CNGA1: variants seen among roughly 807,000 people sequenced by gnomAD.
CNGA1 encodes cyclic nucleotide-gated channel alpha-1.
Under a neutral mutation model 69.7 loss-of-function variants are expected in CNGA1, and 53 were observed. The ratio of observed to expected loss-of-function variants is 0.76; its 90% CI spans 0.61 to 0.96. The LOEUF (loss-of-function observed/expected upper bound fraction) is 0.96, where lower values mean the gene tolerates loss of function less well. CNGA1 is among the 40% of genes least tolerant of loss of function. The pLI is 0.00. For missense variants in CNGA1, 739 were observed against 811.2 expected, an observed-to-expected ratio of 0.91 and a Z score of 1.08; for synonymous variants, 249 against 283.5, an observed-to-expected ratio of 0.88 and a Z score of 1.22.
intron 2 of CNGA1, among the ~76,000 whole-genome samples, chr4:47,983,421 T>C (rs897090296): frequency 6.6e-6 from 1 of 151,796 alleles, no homozygotes; most frequent in Non-Finnish European, 1.5e-5. Flanking sequence ...AAACCCTGTC[T>C]CTACTAAAAA....
intron 3 of CNGA1, among the ~76,000 whole-genome samples, chr4:47,964,427 T>C (rs1262309665): frequency 6.6e-6 from 1 of 151,990 alleles, no homozygotes; most frequent in Non-Finnish European, 1.5e-5. Flanking sequence ...TACTTGGAAT[T>C]TTTTTTTATT....
intron 2 of CNGA1, among the ~76,000 whole-genome samples, chr4:47,998,912 T>C (rs1041852451): frequency 2.0e-5 from 3 of 152,238 alleles, no homozygotes; most frequent in African/African-American, 7.2e-5. Flanking sequence ...CTTTATTTAC[T>C]TGTGGTTGAG....
chr4:47,966,639 G>A (rs1199798408), intron 3 of CNGA1, among the ~76,000 whole-genome samples: 4 of 152,126 alleles, frequency 2.6e-5, no homozygotes, highest in Non-Finnish European at 5.9e-5. Context: ...GCCACAAGTG[G>A]GAGACAGAAA....
chr4:47,968,717 C>T lies in CNGA1; in HGVS notation c.-15+12676G>A, dbSNP rs79396330. On this transcript the variant is annotated intron_variant, in intron 3 of 10. Coordinates refer to ENST00000514170, the MANE Select transcript of CNGA1 (RefSeq NM_001379270.1). Reference sequence around the variant, plus strand: ...GAAGAGAAATCATCATGGGAGACACCTCCTGAAACAATAAATTCAAGAGCA... The same window carrying T: ...GAAGAGAAATCATCATGGGAGACACTTCCTGAAACAATAAATTCAAGAGCA... 9.0e-3 allele frequency among the ~76,000 whole-genome samples: 1,372 copies of T among 152,190 alleles called. 17 individuals are homozygous for T. Among genetic ancestry groups the T allele is most frequent in the African/African-American group, 0.03 (1,258 of 41,518 alleles).
At chr4:47,988,342 A>G (rs1408676937) in intron 2 of CNGA1, among the ~76,000 whole-genome samples, 2 of 152,172 alleles carry the variant, frequency 1.3e-5, no homozygotes, top group South Asian at 2.1e-4. Context: ...ACAGGAAAAT[A>G]AAGAAAAAGG....
intron 3 of CNGA1, among the ~76,000 whole-genome samples, chr4:47,964,233 A>G (rs1210318122): frequency 6.6e-6 from 1 of 152,176 alleles, no homozygotes; most frequent in Non-Finnish European, 1.5e-5. Flanking sequence ...ATGACTAGGG[A>G]AGGGAGAATA....
chr4:47,951,517 A>G (rs1739740268), intron 4 of CNGA1, 48 bp from the exon 5 acceptor site: 2 of 1,259,316 alleles, frequency 1.6e-6, no homozygotes, highest in Non-Finnish European at 2.3e-6. Context: ...GTTTTCAACC[A>G]CTGCAGAGAG....
intron 3 of CNGA1, chr4:47,971,198 G>A: frequency 2.7e-6 from 1 of 373,320 alleles, no homozygotes; most frequent in Non-Finnish European, 5.3e-6. Flanking sequence ...GTGTGTGTGT[G>A]CTGTGCGTAA....
At chr4:47,951,490 G>A (rs894583877) in intron 4 of CNGA1, 21 bp from the exon 5 acceptor site, 2 of 1,491,300 alleles carry the variant, frequency 1.3e-6, no homozygotes, top group Non-Finnish European at 1.9e-6. Context: ...ATAGGAGGCA[G>A]AGAGAGAAGA....
At chr4:47,938,318 T>G (rs1184061772) in intron 10 of CNGA1, among the ~76,000 whole-genome samples, 1 of 150,346 alleles carries the variant, frequency 6.7e-6, no homozygotes, top group African/African-American at 2.4e-5. Context: ...TTGTGAGATA[T>G]ATATATATAT....
chr4:47,989,616 A>G (rs1742147949), intron 2 of CNGA1, among the ~76,000 whole-genome samples: 2 of 152,322 alleles, frequency 1.3e-5, no homozygotes, highest in South Asian at 4.1e-4. Flanking sequence ...AAAGTTAAAT[A>G]ATCAAAATTT....
At chr4:48,005,313 T>C (rs2109350626) in intron 2 of CNGA1, among the ~76,000 whole-genome samples, 1 of 152,134 alleles carries the variant, frequency 6.6e-6, no homozygotes, top group East Asian at 1.9e-4. Context: ...AGATGGGGTT[T>C]CTCCATCTTG....
intron 2 of CNGA1, among the ~76,000 whole-genome samples, chr4:47,999,043 C>T (rs951429842): frequency 2.6e-5 from 4 of 152,284 alleles, no homozygotes; most frequent in Admixed American, 6.5e-5. Context: ...TCACCTCCTT[C>T]GTCTCATCAC....
In CNGA1 at chr4:47,937,810, C is replaced by A. The variant is rs149504668; in HGVS notation, c.672G>T (p.Leu224=). The change falls in exon 11 of 11, where the codon CTG becomes CTT. Residue 224 remains leucine (L), a synonymous_variant. Coordinates refer to ENST00000514170, the MANE Select transcript of CNGA1 (RefSeq NM_001379270.1). ...TGAGTTTAAGTTCTTCCTTTACCAGCAGTCCTTGTTCTAGGTAACCTAAAA... is the reference window on the plus strand; with the variant it reads ...TGAGTTTAAGTTCTTCCTTTACCAGAAGTCCTTGTTCTAGGTAACCTAAAA... ...RTRTGYLEQG[L]LVKEELKLIN... 5 of 1,611,708 alleles carry A rather than the reference C, an allele frequency of 3.1e-6. No homozygotes were observed. Among genetic ancestry groups the A allele is most frequent in the Non-Finnish European group, 4.2e-6 (5 of 1,178,120 alleles).
In CNGA1 at chr4:47,962,883, T is replaced by C. The variant is rs921726816; in HGVS notation, c.-14-10180A>G. On this transcript the variant is annotated intron_variant, in intron 3 of 10. Coordinates refer to ENST00000514170, the MANE Select transcript of CNGA1 (RefSeq NM_001379270.1). ...AAAAATAAACCAAAGACTACGTATATTATCTGTTTAAGCAAACAACACTAA... is the reference window on the plus strand; with the variant it reads ...AAAAATAAACCAAAGACTACGTATACTATCTGTTTAAGCAAACAACACTAA... Among the ~76,000 whole-genome samples, 3 of 152,176 alleles carry C rather than the reference T, an allele frequency of 2.0e-5. No homozygotes were observed. In the South Asian group the frequency reaches 6.2e-4, roughly 31 times the overall value.
At chr4:47,984,677 C>T (rs952243074) in intron 2 of CNGA1, among the ~76,000 whole-genome samples, 10 of 147,626 alleles carry the variant, frequency 6.8e-5, no homozygotes, top group East Asian at 3.9e-4. Flanking sequence ...CACACACACA[C>T]ACACACACAC....
At position 47,937,432 on chromosome 4, in the gene CNGA1, G is replaced by T; in HGVS notation, c.1050C>A (p.Tyr350Ter). Residue 350 changes from tyrosine to a stop codon, truncating the protein, a stop_gained, in exon 11 of 11, where the codon TAC (tyrosine) becomes TAA (stop). Transcript: ENST00000514170. LOFTEE classifies it high-confidence loss of function. ...TGGTAGTCAAAGTCAGTGTAGACCA[G>T]TAAAGGCTGTATACGTATTTTCTAG... ...RLARKYVYSL[Y>*]WSTLTLTTIG... 1.2e-6 allele frequency: 2 copies of T among 1,614,122 alleles called. No homozygotes were observed. Among genetic ancestry groups the T allele is most frequent in the Non-Finnish European group, 1.7e-6 (2 of 1,180,014 alleles).
intron 3 of CNGA1, among the ~76,000 whole-genome samples, chr4:47,965,558 C>T (rs2110186753): frequency 6.6e-6 from 1 of 151,896 alleles, no homozygotes; most frequent in African/African-American, 2.4e-5. Context: ...TCCCGAGTAG[C>T]TGGGATTACA....
At chr4:48,015,585 T>A (rs1018599852) in intron 1 of CNGA1, among the ~76,000 whole-genome samples, 2 of 152,146 alleles carry the variant, frequency 1.3e-5, no homozygotes, top group African/African-American at 4.8e-5. Flanking sequence ...TGAGCCCGAA[T>A]TGTTCACTAC....
Sources: gnomAD v4.1 joint callset for allele counts (sites outside exome capture counted in the v4.1 genomes callset) on GRCh38, gnomAD v4.1.1 for gene constraint, MANE v1.5 for transcripts, NCBI Gene and HGNC (gene_info 2026-07-23, HGNC 2026-07-21) for gene names.